GRAMD2A: variants seen among roughly 807,000 people sequenced by gnomAD.
The protein encoded by GRAMD2A is GRAM domain containing 2A.
GRAMD2A carries 37 observed loss-of-function variants against 51.1 expected under a neutral mutation model. The ratio of observed to expected loss-of-function variants is 0.72; its 90% CI spans 0.56 to 0.95. GRAMD2A has a LOEUF of 0.95. Ranked by LOEUF, GRAMD2A falls within the 40% of genes least tolerant of loss-of-function variation. The pLI, the probability that GRAMD2A is intolerant of heterozygous loss-of-function variation, is 0.00. For synonymous variants in GRAMD2A, 136 were observed against 157.1 expected (o/e 0.87, Z 1.01); for missense variants, 414 against 426.9 (o/e 0.97, Z 0.27).
At chr15:72,165,985 C>G (rs909114217) in intron 7 of GRAMD2A, among the ~76,000 whole-genome samples, 2 of 152,102 alleles carry the variant, frequency 1.3e-5, no homozygotes, top group African/African-American at 2.4e-5. Context: ...TCTCCTGCCT[C>G]ATCCTCCCAA....
chr15:72,163,888 C>T, intron 8 of GRAMD2A, 131 bp from the exon 9 acceptor site: 1 of 947,310 alleles, frequency 1.1e-6, no homozygotes, highest in Non-Finnish European at 1.6e-6. Context: ...GGGATGGAAG[C>T]AGGTACAAGC....
Position 72,169,920 on chromosome 15 carries a change from TTC to T in GRAMD2A, c.59_60del (p.Arg20LysfsTer19), listed in dbSNP as rs2081592166. ...TEEGGNQQMH[R>X]KTASLNSPVS... is the part of the protein sequence containing the mutation. ...ACAGGACTGTTCAGAGAAGCTGTCT[TTC>T]TGTGCATTTGTTGGTTGCTAGGGAA... On this transcript the variant is annotated frameshift_variant, in exon 2 of 12. Coordinates refer to ENST00000309731, the MANE Select transcript of GRAMD2A (RefSeq NM_001012642.3). LOFTEE classifies it high-confidence loss of function. 11 of 1,614,148 alleles carry T rather than the reference TTC, an allele frequency of 6.8e-6. No individual in the cohort carries two copies. Among genetic ancestry groups the T allele is most frequent in the Non-Finnish European group, 9.3e-6 (11 of 1,179,994 alleles).
Position 72,161,886 on chromosome 15 carries a change from A to T in GRAMD2A, c.*123T>A, listed in dbSNP as rs1156897282. ...GCTGCGGGGAGGAGGAGGGATCTGG[A>T]ATATTTTCCTTCATAGGCAGTCTTA... On this transcript the variant is annotated 3_prime_UTR_variant, in exon 12 of 12. Coordinates refer to ENST00000309731, the MANE Select transcript of GRAMD2A (RefSeq NM_001012642.3). 1.3e-5 allele frequency: 13 copies of T among 976,068 alleles called. No individual in the cohort carries two copies. Among genetic ancestry groups the T allele is most frequent in the Non-Finnish European group, 2.0e-5 (12 of 601,320 alleles). The allele number at this position is 976,068 out of a possible 1,614,324, so 60.5% of individuals were successfully genotyped here.
chr15:72,174,390 G>C (rs148897443), intron 1 of GRAMD2A, among the ~76,000 whole-genome samples: 254 of 152,240 alleles, frequency 1.7e-3, no homozygotes, highest in African/African-American at 5.4e-3. Flanking sequence ...CAGACTTTTT[G>C]TCGCGCTAGG....
chr15:72,162,671 C>T (rs1487116746), intron 10 of GRAMD2A: 7 of 301,402 alleles, frequency 2.3e-5, no homozygotes, highest in Non-Finnish European at 2.5e-5. Flanking sequence ...CCCTCTCTCT[C>T]ACCAGCCATG....
intron 11 of GRAMD2A, 85 bp from the exon 12 acceptor site, chr15:72,162,097 T>A (rs921589078): frequency 2.6e-6 from 4 of 1,559,176 alleles, no homozygotes; most frequent in Admixed American, 3.3e-5. Flanking sequence ...TAACTTTACT[T>A]CCCCCAAGAG....
chr15:72,163,194 A>T (rs938200483), intron 10 of GRAMD2A, 72 bp downstream of exon 10: 3 of 1,029,646 alleles, frequency 2.9e-6, no homozygotes, highest in Non-Finnish European at 4.5e-6. Context: ...AATTCCCCAC[A>T]CTCCAAGGCC....
chr15:72,190,802 C>A (rs527729104), intron 1 of GRAMD2A, among the ~76,000 whole-genome samples: 2 of 152,174 alleles, frequency 1.3e-5, no homozygotes, highest in Non-Finnish European at 2.9e-5. Flanking sequence ...AGACTCTCAA[C>A]GTAGCCTATG....
rs748701239 is a variant in GRAMD2A, at chr15:72,163,662, G to A, written c.696C>T (p.Ser232=). 14 of 1,609,144 alleles carry A rather than the reference G, an allele frequency of 8.7e-6. No homozygotes were observed. Among genetic ancestry groups the A allele is most frequent in the East Asian group, 2.2e-5 (1 of 44,864 alleles). The change falls in exon 9 of 12, where the codon TCC becomes TCT. Residue 232 remains serine, a synonymous_variant. Transcript: ENST00000309731. ...GGAAGAAACTGTCTGTGGAGTCCAC[G>A]GATGATGGAGGGATACAAGGGATGT... The part of the protein sequence containing the change: ...PDNIPCIPPS[S]VDSTDSFFPS...
intron 5 of GRAMD2A, 72 bp downstream of exon 5, chr15:72,167,664 T>C (rs2081562572): frequency 8.6e-7 from 1 of 1,168,604 alleles, no homozygotes; most frequent in East Asian, 2.3e-5. Flanking sequence ...GGCATGACTT[T>C]GAGGCATGCC....
intron 4 of GRAMD2A, among the ~76,000 whole-genome samples, chr15:72,168,276 G>A (rs1370434187): frequency 6.6e-6 from 1 of 152,198 alleles, no homozygotes; most frequent in Admixed American, 6.5e-5. Flanking sequence ...CCAAAGCCCT[G>A]ACGTTTCCCC....
intron 10 of GRAMD2A, 38 bp downstream of exon 10, chr15:72,163,228 C>T: frequency 2.9e-6 from 4 of 1,387,884 alleles, no homozygotes; most frequent in East Asian, 2.3e-5. Flanking sequence ...CCTAGACATG[C>T]AGGTGGGTCT....
At chr15:72,171,200 T>G (rs2081606908) in intron 1 of GRAMD2A, among the ~76,000 whole-genome samples, 1 of 152,200 alleles carries the variant, frequency 6.6e-6, no homozygotes, top group African/African-American at 2.4e-5. Context: ...AACAGTCTTG[T>G]GAAGTGACAG....
chr15:72,197,685 G>T (rs2081821090), intron 1 of GRAMD2A, 46 bp downstream of exon 1: 4 of 1,267,864 alleles, frequency 3.2e-6, no homozygotes, highest in Admixed American at 4.0e-5. Context: ...CCCTCGCGGC[G>T]GCCTCCGGAA....
Position 72,161,408 on chromosome 15 carries a change from T to A in GRAMD2A, c.*601A>T, listed in dbSNP as rs2081473692. 1 of 153,660 alleles carries A rather than the reference T, an allele frequency of 6.5e-6. No individual in the cohort carries two copies. The highest frequency in any genetic ancestry group is 1.4e-5 in the Non-Finnish European group (1 of 69,112). The allele number at this position is 153,660 out of a possible 1,614,324, so 9.5% of individuals were successfully genotyped here. On this transcript the variant is annotated 3_prime_UTR_variant, in exon 12 of 12. Transcript: ENST00000309731. Reference sequence around the variant, plus strand: ...CCCTGGCCCAGAGCATGGAAATTCATCTCTGGCTGGAATCCTGGCCATGAG... The same window carrying A: ...CCCTGGCCCAGAGCATGGAAATTCAACTCTGGCTGGAATCCTGGCCATGAG...
At chr15:72,197,343 G>A (rs1380961460) in intron 1 of GRAMD2A, among the ~76,000 whole-genome samples, 1 of 152,256 alleles carries the variant, frequency 6.6e-6, no homozygotes, top group Non-Finnish European at 1.5e-5. Context: ...AGGACTGGGA[G>A]TCGATACCGC....
chr15:72,180,287 A>G (rs1330840186), intron 1 of GRAMD2A, among the ~76,000 whole-genome samples: 1 of 152,192 alleles, frequency 6.6e-6, no homozygotes, highest in Non-Finnish European at 1.5e-5. Flanking sequence ...CTGGAGCGGC[A>G]TCTATTTGAG....
At chr15:72,190,140 G>A (rs1053660095) in intron 1 of GRAMD2A, among the ~76,000 whole-genome samples, 1 of 152,160 alleles carries the variant, frequency 6.6e-6, no homozygotes. Context: ...ACTTTGGGAG[G>A]CCAAGGCGGG....
intron 1 of GRAMD2A, among the ~76,000 whole-genome samples, chr15:72,184,451 C>T (rs776990094): frequency 6.6e-6 from 1 of 152,226 alleles, no homozygotes; most frequent in Non-Finnish European, 1.5e-5. Context: ...GTGCCGCAGC[C>T]GTGCCCCCAC....
Sources: gnomAD v4.1 joint callset for allele counts (sites outside exome capture counted in the v4.1 genomes callset) on GRCh38, gnomAD v4.1.1 for gene constraint, MANE v1.5 for transcripts, NCBI Gene and HGNC (gene_info 2026-07-23, HGNC 2026-07-21) for gene names.